FAM153A: variants seen among roughly 807,000 people sequenced by gnomAD.
FAM153A encodes protein FAM153A.
FAM153A carries 12 observed loss-of-function variants against 48.1 expected under a neutral mutation model. The observed-to-expected ratio is 0.25, with a 90% CI of 0.16 to 0.40. The LOEUF (loss-of-function observed/expected upper bound fraction) is 0.40. Among genes scored for constraint, FAM153A ranks in the 10% least tolerant of loss-of-function variants. The pLI is 1.00. For synonymous variants in FAM153A, 36 were observed against 118.2 expected (o/e 0.30, Z 4.51); for missense variants, 111 against 345.8 (o/e 0.32, Z 5.38).
At position 177,735,010 on chromosome 5, in the gene FAM153A, G is replaced by C. The variant is rs1764480223; in HGVS notation, c.665-77C>G. The C allele has an allele frequency of 6.9e-6, 7 of 1,019,320 alleles. No individual in the cohort carries two copies. The South Asian group carries it at 1.0e-4, about 15-fold the overall frequency. 63.1% of individuals were successfully genotyped at this position (1,019,320 alleles called of 1,614,324 possible). A position where few individuals can be genotyped will look rare whatever the true frequency, so the allele number is the denominator to read the frequency against. ...AATTCAGTAACACTGCTTGAGGTGGGTTTGGGAGGAGGGTAGCAGGCACAG... is the reference window on the plus strand; with the variant it reads ...AATTCAGTAACACTGCTTGAGGTGGCTTTGGGAGGAGGGTAGCAGGCACAG... On this transcript the variant is annotated intron_variant, in intron 12 of 20. Coordinates refer to ENST00000614127, the Ensembl canonical transcript of FAM153A.
intron 1 of FAM153A, among the ~76,000 whole-genome samples, chr5:177,752,617 C>A (rs62398554): frequency 5.1e-5 from 1 of 19,752 alleles, no homozygotes; most frequent in African/African-American, 3.6e-4. Flanking sequence ...TGAGACTCTG[C>A]CAAAAAAAAA....
chr5:177,743,285 G>A (rs1179606354), intron 6 of FAM153A, among the ~76,000 whole-genome samples: 1 of 72,868 alleles, frequency 1.4e-5, no homozygotes, highest in Non-Finnish European at 2.7e-5. Context: ...ACATCGTGGA[G>A]CCTCTGCAGT....
chr5:177,715,369 GTCAC>G (rs1045444590), intron 25 of FAM153A, among the ~76,000 whole-genome samples: 5 of 149,926 alleles, frequency 3.3e-5, no homozygotes, highest in Non-Finnish European at 7.4e-5. Context: ...TTCTGTAGCT[GTCAC>G]TCAATAAGAT....
chr5:177,696,104 C>T, the FAM153A span, among the ~76,000 whole-genome samples: 7 of 119,786 alleles, frequency 5.8e-5, no homozygotes, highest in East Asian at 2.7e-4. Flanking sequence ...ACTTCCCAGA[C>T]GGGGTGGCGG....
intron 16 of FAM153A, among the ~76,000 whole-genome samples, chr5:177,729,803 TCAAA>T (rs1031584281): frequency 3.1e-5 from 4 of 130,606 alleles, no homozygotes; most frequent in Non-Finnish European, 4.8e-5. Context: ...AGAGCCCATC[TCAAA>T]CAGAGCACAC....
intron 16 of FAM153A, among the ~76,000 whole-genome samples, chr5:177,730,284 T>A (rs1763565727): frequency 8.3e-6 from 1 of 120,920 alleles, no homozygotes; most frequent in Non-Finnish European, 1.9e-5. Flanking sequence ...TGCAGGAGAT[T>A]CCTGCAGGGA....
At chr5:177,698,294 T>C in the FAM153A span, among the ~76,000 whole-genome samples, 93 of 151,994 alleles carry the variant, frequency 6.1e-4, no homozygotes, top group Non-Finnish European at 1.2e-3. Flanking sequence ...GTGAATTTTT[T>C]AGTCACAAAC....
downstream of FAM153A, among the ~76,000 whole-genome samples, chr5:177,709,257 C>CTTTTT (rs59687881): frequency 7.7e-5 from 9 of 116,380 alleles, no homozygotes; most frequent in South Asian, 1.3e-3. Flanking sequence ...AAAAAGGAAT[C>CTTTTT]TTTTTTTTTT....
the FAM153A span, among the ~76,000 whole-genome samples, chr5:177,698,171 G>A: frequency 1.3e-5 from 2 of 151,526 alleles, no homozygotes; most frequent in Non-Finnish European, 2.9e-5. Flanking sequence ...TGCCAACCAA[G>A]GAAAGGTTCT....
At chr5:177,739,547 A>G in intron 9 of FAM153A, 53 bp downstream of exon 11, 1 of 836,074 alleles carries the variant, frequency 1.2e-6, no homozygotes, top group Non-Finnish European at 1.8e-6. Context: ...GTGAAATTGA[A>G]AGAAACCTAG....
intron 1 of FAM153A, among the ~76,000 whole-genome samples, chr5:177,761,118 G>A (rs1401428655): frequency 6.7e-6 from 1 of 150,214 alleles, no homozygotes; most frequent in East Asian, 2.0e-4. Context: ...AGGAACTTGG[G>A]CTTGGCTGGA....
At chr5:177,695,818 C>T in the FAM153A span, among the ~76,000 whole-genome samples, 1 of 151,438 alleles carries the variant, frequency 6.6e-6, no homozygotes, top group Non-Finnish European at 1.5e-5. Flanking sequence ...CGGGCAGAGG[C>T]ACTCCTCACT....
intron 25 of FAM153A, chr5:177,714,039 A>T (rs1288028734): frequency 6.6e-6 from 1 of 151,926 alleles, no homozygotes; most frequent in South Asian, 2.1e-4. Flanking sequence ...ATTTTACTGT[A>T]TGTTCATACT....
upstream of FAM153A, chr5:177,782,755 C>T (rs1769810597): frequency 1.2e-5 from 1 of 81,658 alleles, no homozygotes; most frequent in African/African-American, 4.7e-5. Flanking sequence ...AGTCTGCGAT[C>T]TAGCCCAGAA....
At chr5:177,759,158 GATACGAAGAGAC>G (rs1476775892) in intron 1 of FAM153A, among the ~76,000 whole-genome samples, 5 of 151,858 alleles carry the variant, frequency 3.3e-5, no homozygotes, top group African/African-American at 1.2e-4. Context: ...GTGGGCAAAG[GATACGAAGAGAC>G]ACTTCTCAAA....
the FAM153A span, among the ~76,000 whole-genome samples, chr5:177,702,612 C>T: frequency 1.3e-5 from 2 of 151,856 alleles, no homozygotes; most frequent in Non-Finnish European, 2.9e-5. Context: ...ACCATGGCCC[C>T]TCCCATCACA....
chr5:177,722,031 A>G (rs1761139590), downstream of FAM153A: 1 of 151,690 alleles, frequency 6.6e-6, no homozygotes, highest in South Asian at 2.1e-4. Flanking sequence ...AATGAAAACA[A>G]TTGGAAAATA....
chr5:177,715,282 A>G (rs1203656395), intron 25 of FAM153A, among the ~76,000 whole-genome samples: 1 of 147,972 alleles, frequency 6.8e-6, no homozygotes, highest in African/African-American at 2.5e-5. Flanking sequence ...GCACCCGGCC[A>G]TCTCTATTTC....
intron 13 of FAM153A, among the ~76,000 whole-genome samples, 157 bp downstream of exon 15, chr5:177,734,701 TAAATC>T (rs1180349475): frequency 6.7e-6 from 1 of 150,022 alleles, no homozygotes; most frequent in Non-Finnish European, 1.5e-5. Flanking sequence ...CCCACTGTCT[TAAATC>T]AAGCCTCAGT....
Sources: allele counts gnomAD v4.1 joint callset (sites outside exome capture counted in the v4.1 genomes callset), GRCh38; gene constraint gnomAD v4.1.1; transcripts MANE v1.5; gene names NCBI Gene and HGNC (gene_info 2026-07-23, HGNC 2026-07-21).